Variants in NRXN1 observed in about 807,000 individuals in gnomAD.
NRXN1 encodes the protein neurexin-1.
NRXN1 carries 39 observed loss-of-function variants against 150.9 expected under a neutral mutation model. That is an observed-to-expected ratio of 0.26 (90% CI 0.20 to 0.34). The LOEUF (loss-of-function observed/expected upper bound fraction) is 0.34, where lower values mean the gene tolerates loss of function less well. NRXN1 is among the 10% of genes least tolerant of loss of function. The pLI is 1.00. For missense variants in NRXN1, 1,815 were observed against 1,949.9 expected (o/e 0.93, Z 1.30); for synonymous variants, 924 against 757.0 (o/e 1.22, Z -3.62).
At chr2:50,061,594 A>C (rs1256184187) in intron 19 of NRXN1, among the ~76,000 whole-genome samples, 1 of 152,342 alleles carries the variant, frequency 6.6e-6, no homozygotes, top group South Asian at 2.1e-4. Flanking sequence ...CCGGGCTATA[A>C]AAAGGGTCCA....
chr2:50,114,502 CT>C lies in NRXN1; in HGVS notation c.3547-23009del, dbSNP rs112869891. Reference sequence around the variant, plus strand: ...ACTACATGATTCAGCAACTGAACTCCTTGGTATTTAACCAGAAGAGCTGAGA... The same window carrying C: ...ACTACATGATTCAGCAACTGAACTCCTGGTATTTAACCAGAAGAGCTGAGA... On this transcript the variant is annotated intron_variant, in intron 18 of 22. Transcript: ENST00000401669. 1.1e-4 allele frequency among the ~76,000 whole-genome samples: 17 copies of C among 152,226 alleles called. 1 individual carries two copies. The highest frequency in any genetic ancestry group is 4.1e-4 in the African/African-American group (17 of 41,572).
chr2:50,162,644 C>T (rs2059430467), intron 18 of NRXN1, among the ~76,000 whole-genome samples: 1 of 151,784 alleles, frequency 6.6e-6, no homozygotes, highest in Non-Finnish European at 1.5e-5. Context: ...ATGTATATTA[C>T]ACACACACAC....
chr2:50,308,180 T>C (rs1376891106), intron 17 of NRXN1, among the ~76,000 whole-genome samples: 1 of 152,306 alleles, frequency 6.6e-6, no homozygotes, highest in African/African-American at 2.4e-5. Context: ...TTAACTTTAA[T>C]AATCAAGCTG....
chr2:49,953,034 T>A (rs1674257151), intron 21 of NRXN1, among the ~76,000 whole-genome samples: 1 of 152,144 alleles, frequency 6.6e-6, no homozygotes, highest in South Asian at 2.1e-4. Flanking sequence ...GAGCCACATT[T>A]ACCTTTGGAC....
intron 18 of NRXN1, among the ~76,000 whole-genome samples, chr2:50,171,522 T>C (rs1222547187): frequency 6.6e-6 from 1 of 152,124 alleles, no homozygotes; most frequent in Non-Finnish European, 1.5e-5. Flanking sequence ...AGACATAGTT[T>C]AGAGTGTTAC....
intron 19 of NRXN1, among the ~76,000 whole-genome samples, chr2:50,085,140 G>A (rs1463657002): frequency 6.6e-6 from 1 of 152,052 alleles, no homozygotes; most frequent in African/African-American, 2.4e-5. Context: ...GATTTCCAAT[G>A]GAAACCAAAC....
chr2:50,287,682 T>G (rs1468786576), intron 17 of NRXN1, among the ~76,000 whole-genome samples: 1 of 152,200 alleles, frequency 6.6e-6, no homozygotes, highest in African/African-American at 2.4e-5. Flanking sequence ...TCTGTTTCCA[T>G]ATTTTATGAT....
intron 5 of NRXN1, among the ~76,000 whole-genome samples, chr2:50,770,883 G>C (rs1178026767): frequency 1.3e-5 from 2 of 152,024 alleles, no homozygotes; most frequent in African/African-American, 4.8e-5. Flanking sequence ...CCATACTTCA[G>C]ATATTCAATA....
At chr2:50,482,862 G>A (rs2090573419) in intron 15 of NRXN1, among the ~76,000 whole-genome samples, 1 of 151,718 alleles carries the variant, frequency 6.6e-6, no homozygotes, top group African/African-American at 2.4e-5. Flanking sequence ...TTGGGAGGCT[G>A]TGGCGGGAAG....
At chr2:50,399,518 G>A (rs1025281348) in intron 17 of NRXN1, among the ~76,000 whole-genome samples, 1 of 151,786 alleles carries the variant, frequency 6.6e-6, no homozygotes, top group South Asian at 2.1e-4. Context: ...CTTCCTATTG[G>A]GAGAGCTTTT....
Position 50,652,776 on chromosome 2 carries a change from G to T in NRXN1, c.833-29161C>A, listed in dbSNP as rs116227918. Among the ~76,000 whole-genome samples, 1,024 of 152,100 alleles carry T rather than the reference G, an allele frequency of 6.7e-3. 12 individuals are homozygous for T. Among genetic ancestry groups the T allele is most frequent in the African/African-American group, 0.023 (971 of 41,538 alleles). On this transcript the variant is annotated intron_variant, in intron 5 of 22. Coordinates refer to ENST00000401669, the MANE Select transcript of NRXN1 (RefSeq NM_001330078.2). ...TTAACAGTTTAAGAAACTGCCAAAA[G>T]CTTTTCCAGAGTTTTGCATTACTAG...
chr2:50,424,488 G>C (rs564460545), intron 17 of NRXN1, among the ~76,000 whole-genome samples: 3 of 152,090 alleles, frequency 2.0e-5, no homozygotes, highest in Non-Finnish European at 4.4e-5. Context: ...GGCTGGTTGA[G>C]TGCACCGGCT....
intron 22 of NRXN1, among the ~76,000 whole-genome samples, chr2:49,936,180 AATCT>A (rs1670994121): frequency 6.6e-6 from 1 of 152,252 alleles, no homozygotes; most frequent in Non-Finnish European, 1.5e-5. Flanking sequence ...GTAAATGCTT[AATCT>A]CACTTAGCAA....
At chr2:50,645,748 TA>T (rs950918692) in intron 5 of NRXN1, among the ~76,000 whole-genome samples, 44 of 152,012 alleles carry the variant, frequency 2.9e-4, no homozygotes, top group African/African-American at 1.1e-3. Context: ...TATTATCTAC[TA>T]CCCTTTTAAA....
intron 17 of NRXN1, among the ~76,000 whole-genome samples, chr2:50,361,169 C>A (rs1327935297): frequency 6.6e-6 from 1 of 152,048 alleles, no homozygotes; most frequent in Non-Finnish European, 1.5e-5. Flanking sequence ...CAGGAAAGAT[C>A]TAAAATCAAC....
At chr2:50,318,571 T>C (rs562656930) in intron 17 of NRXN1, among the ~76,000 whole-genome samples, 41 of 151,976 alleles carry the variant, frequency 2.7e-4, no homozygotes, top group African/African-American at 5.5e-4. Context: ...AATATTGTGA[T>C]TTTTTTTCAC....
intron 2 of NRXN1, among the ~76,000 whole-genome samples, chr2:50,994,904 T>TA (rs980429252): frequency 2.5e-4 from 38 of 151,954 alleles, no homozygotes; most frequent in African/African-American, 7.5e-4. Flanking sequence ...ACTGTTTTTT[T>TA]AAAAAAAACT....
At chr2:50,994,286 C>T (rs978424872) in intron 2 of NRXN1, among the ~76,000 whole-genome samples, 9 of 151,900 alleles carry the variant, frequency 5.9e-5, no homozygotes, top group African/African-American at 1.7e-4. Context: ...AATTTAATAA[C>T]CTCCATCAAG....
chr2:50,959,670 A>C (rs1692839192), intron 2 of NRXN1, among the ~76,000 whole-genome samples: 1 of 152,068 alleles, frequency 6.6e-6, no homozygotes, highest in Admixed American at 6.6e-5. Context: ...TTAGCATGAC[A>C]GCTGCACAAT....
Sources: gnomAD v4.1 joint callset for allele counts (sites outside exome capture counted in the v4.1 genomes callset) on GRCh38, gnomAD v4.1.1 for gene constraint, MANE v1.5 for transcripts, NCBI Gene and HGNC (gene_info 2026-07-23, HGNC 2026-07-21) for gene names.